ULK2: variants seen among roughly 807,000 people sequenced by gnomAD.
ULK2 encodes the protein serine/threonine-protein kinase ULK2.
A neutral mutation model predicts 127.5 loss-of-function variants in ULK2; 76 were observed. That is an observed-to-expected ratio of 0.60 (90% CI 0.50 to 0.72). ULK2 has a LOEUF of 0.72. Ranked by LOEUF, ULK2 falls within the 30% of genes least tolerant of loss-of-function variation. ULK2 has a pLI of 0.00. For missense variants in ULK2, 1,144 were observed against 1,295.9 expected (o/e 0.88, Z 1.80); for synonymous variants, 452 against 461.9 (o/e 0.98, Z 0.28).
intron 10 of ULK2, among the ~76,000 whole-genome samples, chr17:19,829,372 C>CA (rs1464979817): frequency 6.6e-6 from 1 of 151,826 alleles, no homozygotes; most frequent in Admixed American, 6.6e-5. Context: ...CCTGTCTCCA[C>CA]AAAAAATACA....
chr17:19,810,229 CAAAAAAAAAAAAAAA>C (rs199922634), intron 14 of ULK2, 134 bp downstream of exon 14: 1,723 of 346,722 alleles, frequency 5.0e-3, no homozygotes, highest in South Asian at 8.0e-3. Flanking sequence ...GACTCCATCT[CAAAAAAAAAAAAAAA>C]AAAAAAAAAA....
intron 3 of ULK2, among the ~76,000 whole-genome samples, chr17:19,854,298 A>G (rs1164833037): frequency 1.3e-5 from 2 of 151,836 alleles, no homozygotes; most frequent in African/African-American, 4.8e-5. Flanking sequence ...AGCACACACA[A>G]AAAAAGGCAT....
intron 21 of ULK2, 68 bp from the exon 22 acceptor site, chr17:19,783,973 T>C (rs1238114397): frequency 1.6e-6 from 2 of 1,278,148 alleles, no homozygotes; most frequent in Admixed American, 3.9e-5. Flanking sequence ...CCTACTCTTA[T>C]TTACTAAACA....
At chr17:19,779,531 CAAAAAAAAAAAAA>C (rs55957234) in intron 25 of ULK2, among the ~76,000 whole-genome samples, 2 of 67,998 alleles carry the variant, frequency 2.9e-5, no homozygotes, top group East Asian at 3.6e-4. Context: ...AACTCCATCT[CAAAAAAAAAAAAA>C]AAAAAAAAAA....
At chr17:19,829,466 G>A (rs977216104) in intron 10 of ULK2, among the ~76,000 whole-genome samples, 6 of 148,070 alleles carry the variant, frequency 4.1e-5, no homozygotes, top group Non-Finnish European at 5.9e-5. Context: ...GAGCCCAGGA[G>A]GCAGAGGTTT....
intron 3 of ULK2, among the ~76,000 whole-genome samples, chr17:19,858,477 A>T (rs955516536): frequency 6.6e-6 from 1 of 152,170 alleles, no homozygotes; most frequent in Non-Finnish European, 1.5e-5. Flanking sequence ...TTCCACAATG[A>T]CAAGGACCAT....
At chr17:19,820,336 C>G (rs149796612) in intron 12 of ULK2, among the ~76,000 whole-genome samples, 1 of 152,154 alleles carries the variant, frequency 6.6e-6, no homozygotes, top group Non-Finnish European at 1.5e-5. Context: ...CGTGAGCCAC[C>G]GTGTCCGGCC....
chr17:19,839,396 G>A (rs1238696648), intron 9 of ULK2, among the ~76,000 whole-genome samples: 2 of 152,158 alleles, frequency 1.3e-5, no homozygotes, highest in African/African-American at 4.8e-5. Context: ...TGGGCACGGT[G>A]TCTCACACCT....
At chr17:19,808,399 A>T (rs1392637768) in intron 14 of ULK2, among the ~76,000 whole-genome samples, 1 of 152,234 alleles carries the variant, frequency 6.6e-6, no homozygotes, top group Non-Finnish European at 1.5e-5. Flanking sequence ...TGATGCCAAA[A>T]GCACAGGCAA....
At chr17:19,853,228 G>T (rs908766738) in intron 3 of ULK2, among the ~76,000 whole-genome samples, 2 of 151,336 alleles carry the variant, frequency 1.3e-5, no homozygotes, top group African/African-American at 4.9e-5. Flanking sequence ...TCCACCTCCA[G>T]GGTTCAAGCG....
At chr17:19,812,508 T>C (rs904551449) in intron 13 of ULK2, among the ~76,000 whole-genome samples, 1 of 152,216 alleles carries the variant, frequency 6.6e-6, no homozygotes, top group African/African-American at 2.4e-5. Context: ...CTCAGAATAC[T>C]TACACTGGCC....
At chr17:19,829,548 A>AGGGGGGGG (rs57054467) in intron 10 of ULK2, among the ~76,000 whole-genome samples, 1 of 25,512 alleles carries the variant, frequency 3.9e-5, no homozygotes, top group Admixed American at 5.5e-4. Flanking sequence ...GAAAAAAAAA[A>AGGGGGGGG]GGGGGGGGGC....
At chr17:19,842,190 C>CTGTT (rs1475962455) in intron 8 of ULK2, among the ~76,000 whole-genome samples, 36 of 88,378 alleles carry the variant, frequency 4.1e-4, no homozygotes, top group African/African-American at 1.5e-3. Context: ...TTTTCTTTTT[C>CTGTT]TTTTTTTTTT....
intron 14 of ULK2, among the ~76,000 whole-genome samples, chr17:19,808,298 G>C (rs936541646): frequency 1.3e-5 from 2 of 152,074 alleles, no homozygotes; most frequent in Non-Finnish European, 2.9e-5. Flanking sequence ...TTAAAGGCCT[G>C]AACATTATAC....
chr17:19,781,753 A>T (rs2086923293), intron 23 of ULK2, 136 bp downstream of exon 23: 2 of 981,680 alleles, frequency 2.0e-6, no homozygotes, highest in South Asian at 1.8e-5. Flanking sequence ...AGTGAAATGT[A>T]GTACAAAGAA....
rs773500799 is a variant in ULK2, at chr17:19,781,092, C to T, written c.2652G>A (p.Gln884=). 2 of 1,609,912 alleles carry T rather than the reference C, an allele frequency of 1.2e-6. No homozygotes were observed. The highest frequency in any genetic ancestry group is 1.1e-5 in the South Asian group (1 of 91,010). Residue 884 remains glutamine, a synonymous_variant, in exon 24 of 27, where the codon CAG becomes CAA. Coordinates refer to ENST00000395544, the MANE Select transcript of ULK2 (RefSeq NM_014683.4). ...GTGCTGCTTTCATGTACAACACCAG[C>T]TGCTCCACCCGCCTGCACCCAAAAG... ...QLSKDWGRVE[Q]LVLYMKAAQL...
intron 25 of ULK2, 105 bp downstream of exon 25, chr17:19,780,367 T>G: frequency 9.2e-7 from 1 of 1,091,132 alleles, no homozygotes; most frequent in Non-Finnish European, 1.2e-6. Context: ...TACTTGGGAC[T>G]TGAGACATTA....
intron 3 of ULK2, among the ~76,000 whole-genome samples, chr17:19,864,502 T>G (rs1291189213): frequency 6.6e-6 from 1 of 152,030 alleles, no homozygotes; most frequent in Non-Finnish European, 1.5e-5. Flanking sequence ...TTTTTAATTG[T>G]CCTTTCAACA....
At chr17:19,866,065 AAAG>A (rs2042345139) in intron 1 of ULK2, among the ~76,000 whole-genome samples, 1 of 152,230 alleles carries the variant, frequency 6.6e-6, no homozygotes, top group Admixed American at 6.5e-5. Context: ...TTAAATGAAA[AAAG>A]AACAGTTCAC....
Sources: gnomAD v4.1 joint callset for allele counts (sites outside exome capture counted in the v4.1 genomes callset) on GRCh38, gnomAD v4.1.1 for gene constraint, MANE v1.5 for transcripts, NCBI Gene and HGNC (gene_info 2026-07-23, HGNC 2026-07-21) for gene names.